Variants in RSF1 observed in about 807,000 individuals in gnomAD.
The protein encoded by RSF1 is remodeling and spacing factor 1.
RSF1 carries 13 observed loss-of-function variants against 145.2 expected under a neutral mutation model. The observed-to-expected ratio is 0.09, with a 90% confidence interval of 0.06 to 0.14. The LOEUF (loss-of-function observed/expected upper bound fraction) is 0.14, where lower values mean the gene tolerates loss of function less well. Among genes scored for constraint, RSF1 ranks in the 10% least tolerant of loss-of-function variants. The pLI is 1.00. For missense variants in RSF1, 1,517 were observed against 1,718.2 expected, an observed-to-expected ratio of 0.88 and a Z score of 2.07; for synonymous variants, 577 against 592.6, an observed-to-expected ratio of 0.97 and a Z score of 0.38.
chr11:77,829,970 A>G, the RSF1 span: 2 of 152,180 alleles, frequency 1.3e-5, no homozygotes, highest in Non-Finnish European at 2.9e-5. Flanking sequence ...CATCTCTACA[A>G]AATTCTTTTT....
intron 1 of RSF1, among the ~76,000 whole-genome samples, chr11:77,820,152 C>G (rs12789900): frequency 2.0e-5 from 3 of 152,192 alleles, no homozygotes; most frequent in Non-Finnish European, 4.4e-5. Flanking sequence ...GCAAAGCTGG[C>G]CGGAACCTGC....
intron 1 of RSF1, among the ~76,000 whole-genome samples, chr11:77,818,999 CTTATA>C (rs933438837): frequency 2.0e-5 from 3 of 152,116 alleles, no homozygotes; most frequent in Non-Finnish European, 1.5e-5. Context: ...GATTACTAGG[CTTATA>C]TTATAACTGC....
upstream of RSF1, chr11:77,821,038 G>A (rs995857911): frequency 1.2e-5 from 6 of 481,740 alleles, no homozygotes; most frequent in Non-Finnish European, 2.2e-5. Context: ...GCGGGGAGGC[G>A]GGCTGGAAGC....
At chr11:77,798,581 TAAAAAAAAAAAAAAAAAAAAAAAAAA>T (rs543236647) in intron 1 of RSF1, among the ~76,000 whole-genome samples, 12 of 24,496 alleles carry the variant, frequency 4.9e-4, no homozygotes, top group South Asian at 2.0e-3. Context: ...GACTCCATCT[TAAAAAAAAAAAAAAAAAAAAAAAAAA>T]AAAAAAAAAA....
At chr11:77,683,004 A>T (rs1345750396) in intron 11 of RSF1, among the ~76,000 whole-genome samples, 1 of 152,190 alleles carries the variant, frequency 6.6e-6, no homozygotes, top group Non-Finnish European at 1.5e-5. Context: ...TAAAAGTATC[A>T]ATGCTTGGCT....
At chr11:77,778,424 T>C (rs1482083727) in intron 1 of RSF1, among the ~76,000 whole-genome samples, 1 of 152,126 alleles carries the variant, frequency 6.6e-6, no homozygotes, top group Non-Finnish European at 1.5e-5. Flanking sequence ...TCTTTTACAC[T>C]GCTGTTGGTC....
At chr11:77,867,690 G>A in the RSF1 span, among the ~76,000 whole-genome samples, 1 of 152,176 alleles carries the variant, frequency 6.6e-6, no homozygotes, top group African/African-American at 2.4e-5. Context: ...AGTAGGTTGG[G>A]CTGGTAGTTC....
intron 1 of RSF1, among the ~76,000 whole-genome samples, chr11:77,785,904 C>T (rs11823776): frequency 4.0e-3 from 436 of 108,048 alleles, no homozygotes; most frequent in African/African-American, 0.015. Flanking sequence ...CCAACCTGGG[C>T]GACAGAGTGA....
intron 11 of RSF1, among the ~76,000 whole-genome samples, chr11:77,683,420 T>G (rs912759866): frequency 2.6e-5 from 4 of 151,852 alleles, no homozygotes; most frequent in Admixed American, 6.6e-5. Flanking sequence ...ATTATATGAC[T>G]AGGCCGGGCG....
chr11:77,863,175 C>T, the RSF1 span, among the ~76,000 whole-genome samples: 1 of 152,156 alleles, frequency 6.6e-6, no homozygotes, highest in Non-Finnish European at 1.5e-5. Context: ...CCGTGGAACC[C>T]AGTGACTAGT....
chr11:77,834,662 A>G, the RSF1 span, among the ~76,000 whole-genome samples: 1 of 151,972 alleles, frequency 6.6e-6, no homozygotes, highest in African/African-American at 2.4e-5. Context: ...TGATCCATCC[A>G]CCTTGGCCTC....
At chr11:77,687,018 G>A (rs1960027272) in intron 9 of RSF1, among the ~76,000 whole-genome samples, 1 of 152,184 alleles carries the variant, frequency 6.6e-6, no homozygotes, top group Non-Finnish European at 1.5e-5. Context: ...TAGGATGAAT[G>A]CTAATAAGTT....
chr11:77,704,673 C>T (rs1960500886), intron 5 of RSF1, among the ~76,000 whole-genome samples: 2 of 151,956 alleles, frequency 1.3e-5, no homozygotes, highest in African/African-American at 4.8e-5. Flanking sequence ...TAAATAACCT[C>T]AACTATTATT....
chr11:77,719,201 T>A (rs1960888574), intron 5 of RSF1, among the ~76,000 whole-genome samples: 1 of 152,134 alleles, frequency 6.6e-6, no homozygotes, highest in Non-Finnish European at 1.5e-5. Flanking sequence ...GGCACTAGAT[T>A]CCAGCCTGGG....
intron 15 of RSF1, among the ~76,000 whole-genome samples, chr11:77,670,642 A>C (rs576873541): frequency 6.6e-6 from 1 of 152,210 alleles, no homozygotes; most frequent in Non-Finnish European, 1.5e-5. Flanking sequence ...TGGCTTAACT[A>C]ATGCAATTTA....
intron 5 of RSF1, among the ~76,000 whole-genome samples, chr11:77,711,390 C>T (rs1406210898): frequency 6.6e-6 from 1 of 152,134 alleles, no homozygotes; most frequent in African/African-American, 2.4e-5. Flanking sequence ...GTGTATGTGG[C>T]CAGGTGCAGT....
At chr11:77,848,547 G>C in the RSF1 span, among the ~76,000 whole-genome samples, 6 of 151,972 alleles carry the variant, frequency 3.9e-5, no homozygotes, top group African/African-American at 1.4e-4. Context: ...TTCAGTAGAG[G>C]TGGGGTTTCA....
chr11:77,815,425 T>C lies in RSF1; in HGVS notation c.187+5103A>G, dbSNP rs528751580. Among the ~76,000 whole-genome samples, 308 of 152,336 alleles carry C rather than the reference T, an allele frequency of 2.0e-3. 2 individuals carry two copies. Among genetic ancestry groups the C allele is most frequent in the Non-Finnish European group, 3.7e-3 (249 of 68,026 alleles). Reference sequence around the variant, plus strand: ...AGCCAAGCATAATATATTAAGACTATACCCATCAGGTAGAGTAAAATTTTA... The same window carrying C: ...AGCCAAGCATAATATATTAAGACTACACCCATCAGGTAGAGTAAAATTTTA... On this transcript the variant is annotated intron_variant, in intron 1 of 15. Coordinates refer to ENST00000308488, the MANE Select transcript of RSF1 (RefSeq NM_016578.4).
In RSF1 at chr11:77,734,508, C is replaced by T; in HGVS notation, c.578+6223G>A. On this transcript the variant is annotated intron_variant, in intron 4 of 15. Transcript: ENST00000308488. Reference sequence around the variant, plus strand: ...CATTATCACTGTCTCCCAGGGTGTGCTTGTCAAAGAGATATTCTGCCAAGC... The same window carrying T: ...CATTATCACTGTCTCCCAGGGTGTGTTTGTCAAAGAGATATTCTGCCAAGC... 3 of 1,588,416 alleles carry T rather than the reference C, an allele frequency of 1.9e-6. No individual in the cohort carries two copies. The South Asian group carries it at 3.3e-5, about 17-fold the overall frequency.
Sources: allele counts gnomAD v4.1 joint callset (sites outside exome capture counted in the v4.1 genomes callset), GRCh38; gene constraint gnomAD v4.1.1; transcripts MANE v1.5; gene names NCBI Gene and HGNC (gene_info 2026-07-23, HGNC 2026-07-21).